The following CLYBL variants were observed in gnomAD, a reference collection of about 807,000 sequenced individuals.
CLYBL encodes the protein citramalyl-CoA lyase, mitochondrial.
In CLYBL, 31 loss-of-function variants were observed where a neutral mutation model predicts 38.9. That is an observed-to-expected ratio of 0.80 (90% confidence interval 0.60 to 1.08). The LOEUF is 1.08. Ranked by LOEUF, CLYBL falls within the 50% of genes least tolerant of loss-of-function variation. CLYBL has a pLI of 0.00. For synonymous variants in CLYBL, 171 were observed against 158.6 expected, an observed-to-expected ratio of 1.08 and a Z score of -0.59; for missense variants, 434 against 411.6, an observed-to-expected ratio of 1.05 and a Z score of -0.47.
At chr13:99,677,554 G>C (rs1296697574) in intron 1 of CLYBL, among the ~76,000 whole-genome samples, 1 of 152,174 alleles carries the variant, frequency 6.6e-6, no homozygotes, top group African/African-American at 2.4e-5. Context: ...ATTAAAGCTT[G>C]TGTGTTTGCG....
intron 2 of CLYBL, among the ~76,000 whole-genome samples, chr13:99,853,123 C>G (rs2139173915): frequency 6.6e-6 from 1 of 152,138 alleles, no homozygotes; most frequent in South Asian, 2.1e-4. Flanking sequence ...ATTGTTCTAA[C>G]ATCTTTAAAA....
intron 1 of CLYBL, among the ~76,000 whole-genome samples, chr13:99,699,720 G>A (rs987712516): frequency 6.7e-6 from 1 of 149,476 alleles, no homozygotes; most frequent in South Asian, 2.1e-4. Context: ...TAGGCCAGGC[G>A]CAGTGGCTCA....
At chr13:99,726,950 G>A (rs376215585) in intron 1 of CLYBL, among the ~76,000 whole-genome samples, 2 of 152,164 alleles carry the variant, frequency 1.3e-5, no homozygotes, top group South Asian at 2.1e-4. Flanking sequence ...CCTGAGGTCA[G>A]GAGTTCGAGA....
intron 2 of CLYBL, among the ~76,000 whole-genome samples, chr13:99,817,046 CCTT>C (rs1422517667): frequency 2.0e-5 from 3 of 152,280 alleles, no homozygotes; most frequent in African/African-American, 4.8e-5. Flanking sequence ...GGCTTTCACT[CCTT>C]CTTTCTCAGC....
At chr13:99,898,300 G>A (rs1047580761), downstream of CLYBL, among the ~76,000 whole-genome samples, 4 of 152,166 alleles carry the variant, frequency 2.6e-5, no homozygotes. Flanking sequence ...AGAGAGCTTT[G>A]TGGTAGAGAG....
At chr13:99,628,265 G>A (rs2046897099) in intron 1 of CLYBL, among the ~76,000 whole-genome samples, 1 of 152,156 alleles carries the variant, frequency 6.6e-6, no homozygotes, top group African/African-American at 2.4e-5. Flanking sequence ...AGGATCAGTG[G>A]CCTAATCAGC....
chr13:99,870,107 T>C (rs2051845896), intron 6 of CLYBL, among the ~76,000 whole-genome samples: 1 of 152,130 alleles, frequency 6.6e-6, no homozygotes, highest in Non-Finnish European at 1.5e-5. Flanking sequence ...TTGGAAGGTA[T>C]TTCTACAGAG....
At chr13:99,674,608 C>T (rs2047616655) in intron 1 of CLYBL, among the ~76,000 whole-genome samples, 1 of 152,140 alleles carries the variant, frequency 6.6e-6, no homozygotes, top group Admixed American at 6.5e-5. Context: ...TGAGCAGTCA[C>T]ACCCCGTTTC....
intron 2 of CLYBL, among the ~76,000 whole-genome samples, chr13:99,795,074 C>A (rs1188154210): frequency 1.3e-5 from 2 of 152,072 alleles, no homozygotes; most frequent in African/African-American, 4.8e-5. Flanking sequence ...CTATGCAGGC[C>A]GCATGGTGTT....
intron 2 of CLYBL, among the ~76,000 whole-genome samples, chr13:99,800,046 T>C (rs982516343): frequency 1.3e-5 from 2 of 152,224 alleles, no homozygotes; most frequent in South Asian, 4.1e-4. Context: ...AAAGGAAATG[T>C]TCCTGGGAGG....
intron 1 of CLYBL, among the ~76,000 whole-genome samples, chr13:99,614,889 C>T (rs976070930): frequency 4.6e-5 from 7 of 152,094 alleles, no homozygotes; most frequent in South Asian, 2.1e-4. Context: ...ATGCTTGACC[C>T]GACTCAACTG....
intron 2 of CLYBL, among the ~76,000 whole-genome samples, chr13:99,838,918 C>T (rs371109227): frequency 1.4e-4 from 22 of 152,338 alleles, no homozygotes; most frequent in East Asian, 5.8e-4. Flanking sequence ...GGATTACAGG[C>T]GTGAACCACG....
chr13:99,732,850 T>G (rs1456993281), intron 1 of CLYBL, among the ~76,000 whole-genome samples: 1 of 152,220 alleles, frequency 6.6e-6, no homozygotes, highest in Non-Finnish European at 1.5e-5. Context: ...GAAACTTCTG[T>G]GTCAGTGTTT....
intron 1 of CLYBL, among the ~76,000 whole-genome samples, chr13:99,656,136 A>G (rs539658569): frequency 1.3e-5 from 2 of 151,270 alleles, no homozygotes; most frequent in Non-Finnish European, 2.9e-5. Context: ...TTGGCTTTTT[A>G]GTTTATTTGT....
rs575101233 is a variant in CLYBL at position 99,709,387 on chromosome 13, A to T, written c.63-63437A>T. On this transcript the variant is annotated intron_variant, in intron 1 of 8. Transcript: ENST00000339105. ...TCTCTGTCACAGCAGCCCTGGCCGA[A>T]GACACAGCTGGCAGCACCGTCCTCC... Among the ~76,000 whole-genome samples the T allele has an allele frequency of 2.0e-5, 3 of 152,282 alleles. No homozygotes were observed. In the East Asian group the frequency reaches 5.8e-4, roughly 29 times the overall value.
rs2046529791 is a variant in CLYBL, at chr13:99,606,769, T to TC, written c.62+16dup. 2.1e-6 allele frequency: 3 copies of TC among 1,415,470 alleles called. No homozygotes were observed. Among genetic ancestry groups the TC allele is most frequent in the Non-Finnish European group, 2.8e-6 (3 of 1,087,612 alleles). The allele number at this position is 1,415,470 out of a possible 1,614,324, so 87.7% of individuals were successfully genotyped here. A position where few individuals can be genotyped will look rare whatever the true frequency, so the allele number is the denominator to read the frequency against. The stretch of plus-strand genomic sequence containing the variant: ...GCGCTGCTGAGGCTGTGAGTGCAGG[T>TC]CCCCGTTCCCCGCCTTCCCGGCCCG... On this transcript the variant is annotated intron_variant, in intron 1 of 8. Transcript: ENST00000339105.
At chr13:99,838,848 C>T (rs1274387513) in intron 2 of CLYBL, among the ~76,000 whole-genome samples, 1 of 152,128 alleles carries the variant, frequency 6.6e-6, no homozygotes, top group Admixed American at 6.5e-5. Context: ...ACTGTGTTAG[C>T]CAGTATGGTC....
chr13:99,719,441 T>G (rs751836383), intron 1 of CLYBL, among the ~76,000 whole-genome samples: 21 of 151,990 alleles, frequency 1.4e-4, no homozygotes, highest in Admixed American at 1.3e-4. Context: ...TGAGCCACCA[T>G]GTCCAGCCAA....
chr13:99,770,076 CTTTCTTTTTTTTT>C lies in CLYBL; in HGVS notation c.63-2744_63-2732del, dbSNP rs1287268138. Reference sequence around the variant, plus strand: ...TTTAACTTTTCTTTCTTTTTCTTTTCTTTCTTTTTTTTTTTTTTTTTGAGATGGAGTCTCGCTC... The same window carrying C: ...TTTAACTTTTCTTTCTTTTTCTTTTCTTTTTTTTGAGATGGAGTCTCGCTC... On this transcript the variant is annotated intron_variant, in intron 1 of 8. Transcript: ENST00000339105. Among the ~76,000 whole-genome samples, 4 of 121,964 alleles carry C rather than the reference CTTTCTTTTTTTTT, an allele frequency of 3.3e-5. No individual in the cohort carries two copies. The Admixed American group carries it at 3.4e-4, about 10-fold the overall frequency. 80.0% of individuals were successfully genotyped at this position (121,964 alleles called of 152,430 possible).
Sources: gnomAD v4.1 joint callset for allele counts (sites outside exome capture counted in the v4.1 genomes callset) on GRCh38, gnomAD v4.1.1 for gene constraint, MANE v1.5 for transcripts, NCBI Gene and HGNC (gene_info 2026-07-23, HGNC 2026-07-21) for gene names.